Variants in KCNMA1 observed in about 807,000 individuals in gnomAD.
The protein encoded by KCNMA1 is Calcium-activated potassium channel subunit alpha-1.
Under a neutral mutation model 140.0 loss-of-function variants are expected in KCNMA1, and 29 were observed. The ratio of observed to expected loss-of-function variants is 0.21; its 90% CI spans 0.15 to 0.28. The LOEUF (loss-of-function observed/expected upper bound fraction) is 0.28. Ranked by LOEUF, KCNMA1 falls within the 10% of genes least tolerant of loss-of-function variation. The pLI is 1.00. For missense variants in KCNMA1, 880 were observed against 1,602.2 expected (o/e 0.55, Z 7.70); for synonymous variants, 612 against 611.9 (o/e 1.00, Z 0.00).
At chr10:76,905,478 C>T (rs866299783) in intron 25 of KCNMA1, among the ~76,000 whole-genome samples, 1 of 152,166 alleles carries the variant, frequency 6.6e-6, no homozygotes, top group Non-Finnish European at 1.5e-5. Flanking sequence ...CTATTGTACT[C>T]GGAATACTCA....
intron 23 of KCNMA1, among the ~76,000 whole-genome samples, chr10:76,916,821 T>A (rs1257326261): frequency 6.6e-6 from 1 of 152,206 alleles, no homozygotes; most frequent in Non-Finnish European, 1.5e-5. Context: ...GCATAATGCA[T>A]AAAATGCCAG....
chr10:77,482,272 C>A (rs568819700), intron 1 of KCNMA1, among the ~76,000 whole-genome samples: 2 of 152,226 alleles, frequency 1.3e-5, no homozygotes, highest in African/African-American at 4.8e-5. Flanking sequence ...TCAGCACCCA[C>A]GTGCATCTGT....
At chr10:77,198,617 A>C (rs2041478607) in intron 3 of KCNMA1, among the ~76,000 whole-genome samples, 1 of 148,390 alleles carries the variant, frequency 6.7e-6, no homozygotes, top group South Asian at 2.1e-4. Context: ...CTCTTAAAGG[A>C]GTAATAATAC....
At chr10:77,612,615 C>CA (rs1280201296) in intron 1 of KCNMA1, among the ~76,000 whole-genome samples, 1 of 152,202 alleles carries the variant, frequency 6.6e-6, no homozygotes, top group Non-Finnish European at 1.5e-5. Flanking sequence ...CAGGCGCATA[C>CA]ATTGTACCAA....
At chr10:76,984,164 G>C (rs1359236086) in intron 19 of KCNMA1, among the ~76,000 whole-genome samples, 1 of 151,470 alleles carries the variant, frequency 6.6e-6, no homozygotes, top group Non-Finnish European at 1.5e-5. Flanking sequence ...GGATGACTTG[G>C]ATTCTAAAGC....
intron 2 of KCNMA1, among the ~76,000 whole-genome samples, chr10:77,314,366 T>C (rs1421009956): frequency 6.6e-6 from 1 of 152,110 alleles, no homozygotes; most frequent in Non-Finnish European, 1.5e-5. Flanking sequence ...TTAGGGCAAA[T>C]CAGAGATGTT....
chr10:77,497,132 C>T (rs915980347), intron 1 of KCNMA1, among the ~76,000 whole-genome samples: 6 of 152,192 alleles, frequency 3.9e-5, no homozygotes, highest in African/African-American at 1.4e-4. Flanking sequence ...CTTCCACTGG[C>T]TTTTTGTCTG....
chr10:76,893,664 C>T (rs929473375), intron 25 of KCNMA1, among the ~76,000 whole-genome samples: 3 of 152,102 alleles, frequency 2.0e-5, no homozygotes, highest in African/African-American at 4.8e-5. Context: ...TACTTGAACC[C>T]GGGCGGCAGA....
rs1176569169 is a variant in KCNMA1 at position 76,887,085 on chromosome 10, A to G, written c.*181T>C. 6.5e-7 allele frequency: 1 copy of G among 1,539,568 alleles called. No individual in the cohort carries two copies. Among genetic ancestry groups the G allele is most frequent in the African/African-American group, 1.4e-5 (1 of 73,228 alleles). ...GTCTGCTTATTTGCTGTTGTGCTCA[A>G]GGGTTTTATGGTGGTGAAATAAAAA... On this transcript the variant is annotated 3_prime_UTR_variant, in exon 28 of 28. Transcript: ENST00000286628.
intron 3 of KCNMA1, among the ~76,000 whole-genome samples, chr10:77,199,862 C>T (rs775207560): frequency 6.6e-6 from 1 of 152,134 alleles, no homozygotes; most frequent in Non-Finnish European, 1.5e-5. Context: ...AGACAGGAGA[C>T]GGTGAAGCAT....
In KCNMA1 at chr10:77,407,428, T is replaced by G. The variant is rs564839229; in HGVS notation, c.379-3405A>C. The stretch of plus-strand genomic sequence containing the variant: ...GGGGCAGAGTCCATTATAAGAGTGT[T>G]GGCCACCATTGAACAAGCCAGAACT... On this transcript the variant is annotated intron_variant, in intron 1 of 27. Transcript: ENST00000286628. 1.4e-4 allele frequency among the ~76,000 whole-genome samples: 22 copies of G among 152,362 alleles called. 1 individual carries two copies. The South Asian group carries it at 1.9e-3, about 13-fold the overall frequency.
downstream of KCNMA1, chr10:76,872,869 G>A (rs574312033): frequency 6.6e-6 from 1 of 152,056 alleles, no homozygotes; most frequent in Non-Finnish European, 1.5e-5. Flanking sequence ...TTAAAATACT[G>A]CTTATTATAT....
chr10:77,589,716 A>C (rs1431388574), intron 1 of KCNMA1, among the ~76,000 whole-genome samples: 5 of 151,998 alleles, frequency 3.3e-5, no homozygotes, highest in Non-Finnish European at 4.4e-5. Flanking sequence ...TGGTGGGTTC[A>C]TGGTCTCGCT....
chr10:76,891,285 TAGA>T (rs2039953222), intron 26 of KCNMA1: 2 of 535,140 alleles, frequency 3.7e-6, no homozygotes, highest in African/African-American at 3.8e-5. Flanking sequence ...TCAGTTGACT[TAGA>T]AGGTGTGATA....
At chr10:77,483,337 G>C (rs1315026894) in intron 1 of KCNMA1, among the ~76,000 whole-genome samples, 1 of 152,220 alleles carries the variant, frequency 6.6e-6, no homozygotes, top group Non-Finnish European at 1.5e-5. Flanking sequence ...ACATGTCACA[G>C]CAGAGCCCAG....
At chr10:77,269,638 C>T (rs936926153) in intron 2 of KCNMA1, among the ~76,000 whole-genome samples, 6 of 152,096 alleles carry the variant, frequency 3.9e-5, no homozygotes, top group Non-Finnish European at 8.8e-5. Context: ...CAGTCAGGGC[C>T]GTGGCCACCT....
intron 1 of KCNMA1, among the ~76,000 whole-genome samples, chr10:77,412,600 G>A (rs1459750562): frequency 6.6e-6 from 1 of 152,180 alleles, no homozygotes; most frequent in Non-Finnish European, 1.5e-5. Context: ...GAGAGGGGGT[G>A]GTGAGTTAAA....
intron 19 of KCNMA1, among the ~76,000 whole-genome samples, chr10:76,980,979 T>G (rs1043482404): frequency 6.6e-6 from 1 of 152,162 alleles, no homozygotes; most frequent in East Asian, 1.9e-4. Flanking sequence ...ATCTAATAGG[T>G]TGTTGTGAGA....
chr10:77,296,418 GT>G (rs2075126471), intron 2 of KCNMA1, among the ~76,000 whole-genome samples: 1 of 152,154 alleles, frequency 6.6e-6, no homozygotes, highest in Admixed American at 6.5e-5. Context: ...CCCCAAATCT[GT>G]AAGACAATAA....
Sources: gnomAD v4.1 joint callset for allele counts (sites outside exome capture counted in the v4.1 genomes callset) on GRCh38, gnomAD v4.1.1 for gene constraint, MANE v1.5 for transcripts, NCBI Gene and HGNC (gene_info 2026-07-23, HGNC 2026-07-21) for gene names.